The following STRBP variants were observed in gnomAD, a reference collection of about 807,000 sequenced individuals.
The protein encoded by STRBP is spermatid perinuclear RNA binding protein, also known as spermatid perinuclear RNA-binding protein.
A neutral mutation model predicts 80.1 loss-of-function variants in STRBP; 13 were observed. The observed-to-expected ratio is 0.16, with a 90% CI of 0.11 to 0.26. STRBP has a LOEUF of 0.26. STRBP is among the 10% of genes least tolerant of loss of function. STRBP has a pLI of 1.00. For synonymous variants in STRBP, 284 were observed against 291.2 expected, an observed-to-expected ratio of 0.98 and a Z score of 0.25; for missense variants, 485 against 815.2, an observed-to-expected ratio of 0.59 and a Z score of 4.93.
chr9:123,171,872 G>C (rs889612677), intron 5 of STRBP, among the ~76,000 whole-genome samples: 1 of 152,066 alleles, frequency 6.6e-6, no homozygotes, highest in East Asian at 1.9e-4. Flanking sequence ...GAGATGGTTT[G>C]TATACCCTGT....
At position 123,125,468 on chromosome 9, in the gene STRBP, G is replaced by T; in HGVS notation, c.*129C>A. The T allele has an allele frequency of 7.8e-7, 1 of 1,288,058 alleles. No homozygotes were observed. 79.8% of individuals were successfully genotyped at this position (1,288,058 alleles called of 1,614,324 possible). On this transcript the variant is annotated 3_prime_UTR_variant, in exon 19 of 19. Transcript: ENST00000348403. ...TTGCATTTGTTAAAATCAAAAAGTAGGAAAGATGTTCTTTACAAATAATTT... is the reference window on the plus strand; with the variant it reads ...TTGCATTTGTTAAAATCAAAAAGTATGAAAGATGTTCTTTACAAATAATTT...
intron 1 of STRBP, among the ~76,000 whole-genome samples, chr9:123,261,773 C>A (rs1207712236): frequency 1.3e-5 from 2 of 152,202 alleles, no homozygotes; most frequent in African/African-American, 4.8e-5. Flanking sequence ...TTCTCTCCAG[C>A]TTTTAATCAT....
chr9:123,142,808 T>C (rs1426473294), intron 13 of STRBP, among the ~76,000 whole-genome samples: 4 of 152,160 alleles, frequency 2.6e-5, no homozygotes, highest in Admixed American at 6.6e-5. Context: ...CCAAGTTTGT[T>C]TGGAATCCAT....
chr9:123,250,992 T>G (rs2040902759), intron 1 of STRBP, among the ~76,000 whole-genome samples: 1 of 151,970 alleles, frequency 6.6e-6, no homozygotes, highest in African/African-American at 2.4e-5. Flanking sequence ...ATTAGCCAGG[T>G]CTGGTAATCC....
chr9:123,146,212 G>A (rs993159213), intron 13 of STRBP, among the ~76,000 whole-genome samples: 2 of 151,864 alleles, frequency 1.3e-5, no homozygotes, highest in Non-Finnish European at 2.9e-5. Flanking sequence ...CTTATAGAGA[G>A]ATCCCATTAC....
chr9:123,231,405 A>C (rs2040394715), intron 2 of STRBP, among the ~76,000 whole-genome samples: 1 of 152,214 alleles, frequency 6.6e-6, no homozygotes, highest in South Asian at 2.1e-4. Flanking sequence ...AGATTGTGAA[A>C]TATAACTTAC....
At chr9:123,194,232 C>T (rs2039019514) in intron 2 of STRBP, among the ~76,000 whole-genome samples, 1 of 152,150 alleles carries the variant, frequency 6.6e-6, no homozygotes, top group South Asian at 2.1e-4. Flanking sequence ...CTTCCTACTT[C>T]ATGCAAATTG....
chr9:123,120,363 G>A (rs1001093822), downstream of STRBP, among the ~76,000 whole-genome samples: 1 of 151,784 alleles, frequency 6.6e-6, no homozygotes, highest in Admixed American at 6.6e-5. Context: ...AGGAGGCACT[G>A]GCATCAGATG....
intron 1 of STRBP, among the ~76,000 whole-genome samples, chr9:123,258,766 A>C (rs928429071): frequency 6.8e-6 from 1 of 147,092 alleles, no homozygotes; most frequent in Non-Finnish European, 1.5e-5. Flanking sequence ...GGGCCACTGC[A>C]CTCCAGCCTG....
chr9:123,139,829 GTAAGTCCTTGGT>G, intron 13 of STRBP, 142 bp from the exon 14 acceptor site: 1 of 785,368 alleles, frequency 1.3e-6, no homozygotes, highest in African/African-American at 1.8e-5. Flanking sequence ...TACTAAATCT[GTAAGTCCTTGGT>G]TAAATATGGT....
intron 13 of STRBP, among the ~76,000 whole-genome samples, 175 bp downstream of exon 13, chr9:123,146,678 ACC>A (rs547282536): frequency 1.6e-3 from 240 of 151,780 alleles, no homozygotes; most frequent in African/African-American, 5.6e-3. Context: ...TTGTAAGACT[ACC>A]ACATATTATT....
chr9:123,190,479 G>C (rs1202771918), intron 2 of STRBP, among the ~76,000 whole-genome samples: 6 of 148,738 alleles, frequency 4.0e-5, no homozygotes, highest in African/African-American at 1.5e-4. Context: ...AAAAAAAAAG[G>C]CACGTGCAAG....
intron 1 of STRBP, among the ~76,000 whole-genome samples, chr9:123,254,814 C>T (rs1264693529): frequency 6.6e-6 from 1 of 152,052 alleles, no homozygotes; most frequent in African/African-American, 2.4e-5. Context: ...AAACAAAAGG[C>T]TCTATAATGA....
chr9:123,161,675 A>T (rs186980703), intron 6 of STRBP, among the ~76,000 whole-genome samples: 4 of 152,342 alleles, frequency 2.6e-5, no homozygotes, highest in Non-Finnish European at 5.9e-5. Flanking sequence ...AACCAAAATT[A>T]TTAAAATTAC....
chr9:123,163,265 C>T (rs996467792), intron 6 of STRBP, among the ~76,000 whole-genome samples: 3 of 152,158 alleles, frequency 2.0e-5, no homozygotes, highest in African/African-American at 7.2e-5. Context: ...GCATCTTACT[C>T]TGATTGTAAC....
intron 1 of STRBP, among the ~76,000 whole-genome samples, chr9:123,237,865 T>C (rs1443744091): frequency 6.6e-6 from 1 of 152,162 alleles, no homozygotes; most frequent in Non-Finnish European, 1.5e-5. Context: ...AAGTTCTCAA[T>C]AGGACAGTTT....
rs1339422307 is a variant in STRBP, at chr9:123,189,289, T to C, written c.-164-4991A>G. On this transcript the variant is annotated intron_variant, in intron 2 of 18. Transcript: ENST00000348403. The stretch of plus-strand genomic sequence containing the variant: ...ACACATGGACACAGGAAGGGGAACA[T>C]CACATACCAGGGCCTGTTGTGGGGT... Among the ~76,000 whole-genome samples, 67 of 109,346 alleles carry C rather than the reference T, an allele frequency of 6.1e-4. 1 individual carries two copies. In the East Asian group the frequency reaches 0.019, roughly 30 times the overall value. 71.7% of individuals were successfully genotyped at this position (109,346 alleles called of 152,430 possible).
At chr9:123,252,994 T>G (rs1172844738) in intron 1 of STRBP, among the ~76,000 whole-genome samples, 2 of 152,178 alleles carry the variant, frequency 1.3e-5, no homozygotes, top group Non-Finnish European at 2.9e-5. Context: ...AAAATAAAGT[T>G]TTTTAATAGG....
Position 123,132,990 on chromosome 9 carries a change from A to G in STRBP, c.1774-22T>C, listed in dbSNP as rs776363192. 2.4e-5 allele frequency: 38 copies of G among 1,607,406 alleles called. No homozygotes were observed. The Middle Eastern group carries it at 5.0e-4, about 21-fold the overall frequency. ...TTGCCTGTTAAAATAACACATTTTC[A>G]TTACTGAAAGAAATAAGAACCATTT... is the stretch of plus-strand genomic sequence containing the variant. On this transcript the variant is annotated intron_variant, in intron 16 of 18. Transcript: ENST00000348403.
Sources: allele counts gnomAD v4.1 joint callset (sites outside exome capture counted in the v4.1 genomes callset), GRCh38; gene constraint gnomAD v4.1.1; transcripts MANE v1.5; gene names NCBI Gene and HGNC (gene_info 2026-07-23, HGNC 2026-07-21).